The following SNX13 variants were observed in gnomAD, a reference collection of about 807,000 sequenced individuals.
SNX13 encodes the protein sorting nexin 13.
Under a neutral mutation model 133.6 loss-of-function variants are expected in SNX13, and 45 were observed. That is an observed-to-expected ratio of 0.34 (90% CI 0.27 to 0.43). The LOEUF is 0.43. Ranked by LOEUF, SNX13 falls within the 20% of genes least tolerant of loss-of-function variation. SNX13 has a pLI of 1.00. For synonymous variants in SNX13, 414 were observed against 373.9 expected, an observed-to-expected ratio of 1.11 and a Z score of -1.24; for missense variants, 1,032 against 1,145.1, an observed-to-expected ratio of 0.90 and a Z score of 1.43.
intron 1 of SNX13, among the ~76,000 whole-genome samples, chr7:17,939,912 C>G (rs1202214079): frequency 6.6e-6 from 1 of 151,784 alleles, no homozygotes; most frequent in Non-Finnish European, 1.5e-5. Context: ...AGACCTAGGG[C>G]AAACCATAGG....
At chr7:17,831,189 C>T in intron 15 of SNX13, 1 of 983,912 alleles carries the variant, frequency 1.0e-6, no homozygotes, top group Non-Finnish European at 1.2e-6. Flanking sequence ...ATAAGAAGAT[C>T]CAGAAATACA....
Position 17,875,683 on chromosome 7 carries a change from T to A in SNX13, c.548A>T (p.Asp183Val). ...AAAGATATTACCTTTCACTTGATCA[T>A]CTTTCTCTGTTATTTTCTGTTGAGC... ...RKAQQKITEK[D>V]DQVKGTAEDL... is the part of the protein sequence containing the mutation. Residue 183 changes from aspartate to valine, a missense_variant, in exon 6 of 26, where the codon GAT (aspartate) becomes GTT (valine). By Grantham distance (152) the Asp-to-Val change is radical. Transcript: ENST00000428135. The A allele has an allele frequency of 1.9e-6, 3 of 1,609,896 alleles. No individual in the cohort carries two copies. Among genetic ancestry groups the A allele is most frequent in the Middle Eastern group, 1.7e-4 (1 of 6,050 alleles).
intron 5 of SNX13, chr7:17,881,179 A>C (rs1386308959): frequency 1.3e-5 from 2 of 152,044 alleles, no homozygotes; most frequent in African/African-American, 2.4e-5. Flanking sequence ...AACAGTAAGA[A>C]TGGTAGAGTA....
intron 5 of SNX13, among the ~76,000 whole-genome samples, chr7:17,878,433 G>C (rs1583591981): frequency 6.6e-6 from 1 of 152,066 alleles, no homozygotes; most frequent in East Asian, 1.9e-4. Flanking sequence ...CAGAATGGTT[G>C]CAAGAAAAAA....
intron 24 of SNX13, among the ~76,000 whole-genome samples, chr7:17,797,569 G>A (rs550266887): frequency 5.9e-5 from 9 of 151,922 alleles, no homozygotes; most frequent in Non-Finnish European, 1.2e-4. Flanking sequence ...ACTCCCCAGA[G>A]CAGCTGTTCT....
chr7:17,875,881 T>A, intron 5 of SNX13, 91 bp from the exon 6 acceptor site: 1 of 1,022,080 alleles, frequency 9.8e-7, no homozygotes, highest in East Asian at 2.6e-5. Flanking sequence ...AACAACATGA[T>A]TATCTGAGAC....
intron 1 of SNX13, among the ~76,000 whole-genome samples, chr7:17,935,653 T>G (rs1018604315): frequency 2.0e-5 from 3 of 152,136 alleles, no homozygotes; most frequent in African/African-American, 7.2e-5. Context: ...TTTAAGAATG[T>G]TTATCAATAT....
In SNX13 at chr7:17,890,476, C is replaced by T; in HGVS notation, c.327G>A (p.Gln109=). Residue 109 remains glutamine, a synonymous_variant, in exon 5 of 26, where the codon CAG becomes CAA. Coordinates refer to ENST00000428135, the MANE Select transcript of SNX13 (RefSeq NM_015132.5). ...IIDEPLQQVI[Q]FSLRDYVQYW... is the part of the protein sequence containing the mutation. ...ACTGGACATAATCCCTCAAGGAAAA[C>T]TGGATAACCTATAACAAAAATATTG... is the stretch of plus-strand genomic sequence containing the variant. 1 of 1,574,562 alleles carries T rather than the reference C, an allele frequency of 6.4e-7. No homozygotes were observed. The highest frequency in any genetic ancestry group is 8.6e-7 in the Non-Finnish European group (1 of 1,161,156).
intron 5 of SNX13, chr7:17,880,235 C>T (rs1344126587): frequency 6.6e-6 from 1 of 152,184 alleles, no homozygotes; most frequent in Non-Finnish European, 1.5e-5. Flanking sequence ...AACAAATCTG[C>T]ATGCAGAGTC....
intron 21 of SNX13, among the ~76,000 whole-genome samples, chr7:17,803,075 C>A (rs555564141): frequency 1.3e-5 from 2 of 151,880 alleles, no homozygotes; most frequent in Non-Finnish European, 2.9e-5. Context: ...CTCATCTGCA[C>A]GACAGAATTT....
At chr7:17,922,205 T>C (rs932144421) in intron 1 of SNX13, among the ~76,000 whole-genome samples, 1 of 152,222 alleles carries the variant, frequency 6.6e-6, no homozygotes, top group African/African-American at 2.4e-5. Flanking sequence ...TTTCCACTTT[T>C]GGAGGAGTCC....
At chr7:17,889,484 A>C (rs1186578087) in intron 5 of SNX13, 1 of 152,144 alleles carries the variant, frequency 6.6e-6, no homozygotes, top group Admixed American at 6.5e-5. Flanking sequence ...TGGTAGCAAC[A>C]TATTTTAATG....
At chr7:17,928,874 A>T (rs1801067906) in intron 1 of SNX13, among the ~76,000 whole-genome samples, 1 of 152,214 alleles carries the variant, frequency 6.6e-6, no homozygotes, top group African/African-American at 2.4e-5. Context: ...TTTTCAATCA[A>T]GATAAATTCA....
At chr7:17,853,941 C>CA (rs202227337) in intron 9 of SNX13, among the ~76,000 whole-genome samples, 1,536 of 141,940 alleles carry the variant, frequency 0.011, 29 homozygotes, top group African/African-American at 0.038. Flanking sequence ...AATCCATCTC[C>CA]AAAAAAAATA....
intron 1 of SNX13, among the ~76,000 whole-genome samples, chr7:17,902,265 T>TA (rs1491477458): frequency 8.9e-6 from 1 of 111,752 alleles, no homozygotes; most frequent in Non-Finnish European, 1.9e-5. Context: ...TTTTTTTTTT[T>TA]AGAAAAAAAA....
chr7:17,895,109 T>C (rs975468075), intron 2 of SNX13, among the ~76,000 whole-genome samples: 10 of 152,230 alleles, frequency 6.6e-5, no homozygotes, highest in African/African-American at 2.4e-4. Flanking sequence ...ATATTAACAC[T>C]GTGTTATTAA....
At chr7:17,827,332 T>G (rs1426902290) in intron 16 of SNX13, among the ~76,000 whole-genome samples, 1 of 151,970 alleles carries the variant, frequency 6.6e-6, no homozygotes, top group Non-Finnish European at 1.5e-5. Flanking sequence ...TTTCACATAT[T>G]CATATTATAT....
At chr7:17,851,194 C>T (rs377594508) in intron 9 of SNX13, among the ~76,000 whole-genome samples, 1 of 152,196 alleles carries the variant, frequency 6.6e-6, no homozygotes, top group Non-Finnish European at 1.5e-5. Flanking sequence ...AACATGCTCA[C>T]AGTATTTGAT....
At chr7:17,891,447 G>T in intron 4 of SNX13, 99 bp downstream of exon 4, 1 of 748,842 alleles carries the variant, frequency 1.3e-6, no homozygotes, top group Non-Finnish European at 2.1e-6. Flanking sequence ...GAAATTCCAG[G>T]ATATTATTTA....
Sources: gnomAD v4.1 joint callset for allele counts (sites outside exome capture counted in the v4.1 genomes callset) on GRCh38, gnomAD v4.1.1 for gene constraint, MANE v1.5 for transcripts, NCBI Gene and HGNC (gene_info 2026-07-23, HGNC 2026-07-21) for gene names.